The following AKAP13 variants were observed in gnomAD, a reference collection of about 807,000 sequenced individuals.
AKAP13 encodes A-kinase anchoring protein 13.
In AKAP13, 80 loss-of-function variants were observed where a neutral mutation model predicts 264.5. The observed-to-expected ratio is 0.30, with a 90% confidence interval of 0.25 to 0.36. The LOEUF (loss-of-function observed/expected upper bound fraction) is 0.36, where lower values mean the gene tolerates loss of function less well. Among genes scored for constraint, AKAP13 ranks in the 10% least tolerant of loss-of-function variants. The pLI is 1.00. For missense variants in AKAP13, 3,712 were observed against 3,435.2 expected (o/e 1.08, Z -2.01); for synonymous variants, 1,380 against 1,250.2 (o/e 1.10, Z -2.19).
intron 5 of AKAP13, among the ~76,000 whole-genome samples, chr15:85,564,717 T>A (rs192314853): frequency 1.1e-4 from 16 of 152,252 alleles, no homozygotes; most frequent in African/African-American, 3.9e-4. Context: ...CTTCAGAGAG[T>A]GATGATCTCA....
intron 17 of AKAP13, among the ~76,000 whole-genome samples, chr15:85,697,485 C>G (rs2085630939): frequency 6.6e-6 from 1 of 152,200 alleles, no homozygotes; most frequent in South Asian, 2.1e-4. Context: ...AGGAGAATCT[C>G]TTGAACCCGG....
chr15:85,458,008 C>T (rs944014782), intron 1 of AKAP13, among the ~76,000 whole-genome samples: 5 of 151,942 alleles, frequency 3.3e-5, no homozygotes, highest in Admixed American at 1.3e-4. Flanking sequence ...GGTGTGGTGG[C>T]GCCCGCCTGT....
chr15:85,527,382 C>T (rs2077102300), intron 3 of AKAP13, among the ~76,000 whole-genome samples: 1 of 151,800 alleles, frequency 6.6e-6, no homozygotes, highest in African/African-American at 2.4e-5. Flanking sequence ...GTGAAAATTG[C>T]CTTTTGGGAC....
Position 85,722,313 on chromosome 15 carries a change from A to C in AKAP13, c.6462A>C (p.Pro2154=). The change falls in exon 25 of 37, where the codon CCA becomes CCC. Residue 2154 remains proline, a synonymous_variant. Transcript: ENST00000394518. ...TAACTCAGCGGATTACCAAGTACCC[A>C]GTTTTATTCCAAAGAATATTGCAGT... ...LLVTQRITKY[P]VLFQRILQCT... 1 of 1,613,524 alleles carries C rather than the reference A, an allele frequency of 6.2e-7. No homozygotes were observed. Among genetic ancestry groups the C allele is most frequent in the South Asian group, 1.1e-5 (1 of 91,014 alleles).
chr15:85,491,212 A>G (rs1442588707), intron 2 of AKAP13, among the ~76,000 whole-genome samples: 1 of 151,982 alleles, frequency 6.6e-6, no homozygotes, highest in Non-Finnish European at 1.5e-5. Context: ...ACCTTCCCTC[A>G]CATCTGAACC....
At chr15:85,439,180 A>C (rs1475796746) in intron 1 of AKAP13, among the ~76,000 whole-genome samples, 4 of 152,050 alleles carry the variant, frequency 2.6e-5, no homozygotes, top group Admixed American at 2.0e-4. Context: ...GACACTTCTC[A>C]AAAGAAGACA....
At chr15:85,512,150 A>G (rs760583045) in intron 2 of AKAP13, among the ~76,000 whole-genome samples, 1 of 151,974 alleles carries the variant, frequency 6.6e-6, no homozygotes, top group Non-Finnish European at 1.5e-5. Flanking sequence ...TTACTCAGTT[A>G]TGGAACAACT....
chr15:85,570,504 T>G (rs561810470), intron 5 of AKAP13, among the ~76,000 whole-genome samples: 5 of 152,186 alleles, frequency 3.3e-5, no homozygotes, highest in South Asian at 4.1e-4. Flanking sequence ...CTTAAAATGT[T>G]GAAATGGCTG....
At chr15:85,647,801 A>G (rs1206575833) in intron 10 of AKAP13, among the ~76,000 whole-genome samples, 5 of 152,032 alleles carry the variant, frequency 3.3e-5, no homozygotes, top group African/African-American at 7.2e-5. Context: ...GGTGGCGGGC[A>G]CCTGTAGTCC....
Position 85,578,795 on chromosome 15 carries a change from T to C in AKAP13, c.862-135T>C, listed in dbSNP as rs907351373. On this transcript the variant is annotated intron_variant, in intron 6 of 36. Coordinates refer to ENST00000394518, the MANE Select transcript of AKAP13 (RefSeq NM_007200.5). ...AAGAGGAAATTTATTTGTATTCTTTTAGATTCGCTTATCATGTGACCTTAG... is the reference window on the plus strand; with the variant it reads ...AAGAGGAAATTTATTTGTATTCTTTCAGATTCGCTTATCATGTGACCTTAG... 1.5e-4 allele frequency: 114 copies of C among 762,144 alleles called. No individual in the cohort carries two copies. In the African/African-American group the frequency reaches 1.8e-3, roughly 12 times the overall value. 47.2% of individuals were successfully genotyped at this position (762,144 alleles called of 1,614,324 possible).
rs1433267876 is a variant in AKAP13 at position 85,743,747 on chromosome 15, C to T, written c.8314C>T (p.Arg2772Cys). Residue 2772 changes from arginine (R) to cysteine (C), a missense_variant, in exon 36 of 37, where the codon CGC (arginine) becomes TGC (cysteine). Transcript: ENST00000394518. Reference sequence around the variant, plus strand: ...CCCTGCGTCCACCTCTGCCTCTACCCGCCTGTTTGGGTTAACAAAGCCAAA... The same window carrying T: ...CCCTGCGTCCACCTCTGCCTCTACCTGCCTGTTTGGGTTAACAAAGCCAAA... ...QAPASTSAST[R>C]LFGLTKPKEK... The T allele has an allele frequency of 1.3e-5, 21 of 1,613,992 alleles. No homozygotes were observed. The highest frequency in any genetic ancestry group is 1.5e-5 in the Non-Finnish European group (18 of 1,180,048).
intron 8 of AKAP13, among the ~76,000 whole-genome samples, chr15:85,610,280 G>A (rs1203778191): frequency 6.6e-6 from 1 of 152,114 alleles, no homozygotes; most frequent in Non-Finnish European, 1.5e-5. Context: ...TATGGAAAAG[G>A]AGTTTCTCAC....
chr15:85,742,663 CCTG>C (rs1007602990), intron 35 of AKAP13, among the ~76,000 whole-genome samples: 12 of 152,226 alleles, frequency 7.9e-5, no homozygotes, highest in South Asian at 2.1e-4. Flanking sequence ...CACACTCACT[CCTG>C]AGCTTATTTC....
intron 2 of AKAP13, among the ~76,000 whole-genome samples, chr15:85,517,638 T>G (rs1032574861): frequency 1.3e-5 from 2 of 152,190 alleles, no homozygotes; most frequent in Admixed American, 1.3e-4. Context: ...GGCTACCATT[T>G]AAAACCCCAT....
At chr15:85,651,328 A>T (rs386346) in intron 10 of AKAP13, among the ~76,000 whole-genome samples, 43,442 of 152,066 alleles carry the variant, frequency 0.29, 6,497 homozygotes, top group East Asian at 0.36. Flanking sequence ...CTATTATGTA[A>T]CTATATATCT....
At chr15:85,537,134 A>C (rs571387933) in intron 4 of AKAP13, 1 of 149,832 alleles carries the variant, frequency 6.7e-6, no homozygotes, top group African/African-American at 2.5e-5. Flanking sequence ...AAATTGTTCT[A>C]TTAATTGATG....
At chr15:85,459,075 C>T (rs1184897171) in intron 1 of AKAP13, among the ~76,000 whole-genome samples, 2 of 152,228 alleles carry the variant, frequency 1.3e-5, no homozygotes, top group African/African-American at 2.4e-5. Context: ...CTTTAGATCC[C>T]TATATCCATC....
At chr15:85,685,021 A>T in intron 16 of AKAP13, 148 bp downstream of exon 16, 1 of 1,019,572 alleles carries the variant, frequency 9.8e-7, no homozygotes, top group East Asian at 2.6e-5. Flanking sequence ...TTAAAGGAAA[A>T]TAATAAGAAG....
intron 1 of AKAP13, among the ~76,000 whole-genome samples, chr15:85,424,149 CAA>C (rs1373682378): frequency 6.6e-6 from 1 of 152,218 alleles, no homozygotes; most frequent in Non-Finnish European, 1.5e-5. Flanking sequence ...TAGCCCCTAA[CAA>C]GAGAGTCAGC....
Sources: gnomAD v4.1 joint callset for allele counts (sites outside exome capture counted in the v4.1 genomes callset) on GRCh38, gnomAD v4.1.1 for gene constraint, MANE v1.5 for transcripts, NCBI Gene and HGNC (gene_info 2026-07-23, HGNC 2026-07-21) for gene names.